SLC71A1: variants seen among roughly 807,000 people sequenced by gnomAD.
The protein encoded by SLC71A1 is hippocampus abundant gene transcript 1.
the SLC71A1 span, among the ~76,000 whole-genome samples, chr1:100,066,728 G>A: frequency 1.3e-5 from 2 of 152,052 alleles, no homozygotes; most frequent in Admixed American, 6.5e-5. Context: ...GGTGGCTCAC[G>A]CCTGTAATCC....
At chr1:100,066,843 G>C in the SLC71A1 span, among the ~76,000 whole-genome samples, 48 of 152,112 alleles carry the variant, frequency 3.2e-4, 1 homozygote, top group African/African-American at 1.0e-3. Flanking sequence ...CAAAAAATTA[G>C]CCGGGCGAGG....
chr1:100,073,109 C>T, the SLC71A1 span, among the ~76,000 whole-genome samples: 4 of 152,172 alleles, frequency 2.6e-5, no homozygotes, highest in African/African-American at 9.7e-5. Flanking sequence ...TGAATCCTTT[C>T]TCCCTAACCT....
the SLC71A1 span, among the ~76,000 whole-genome samples, chr1:100,048,320 C>T: frequency 6.6e-6 from 1 of 152,026 alleles, no homozygotes; most frequent in Admixed American, 6.6e-5. Context: ...GCTGGGATTA[C>T]AGGCACACGC....
At chr1:100,069,636 G>C in the SLC71A1 span, 1 of 1,612,254 alleles carries the variant, frequency 6.2e-7, no homozygotes, top group East Asian at 2.2e-5. Flanking sequence ...TCACCAGAAA[G>C]TGTTGCAGCG....
At chr1:100,071,289 CAAAAAAA>C in the SLC71A1 span, among the ~76,000 whole-genome samples, 6 of 53,340 alleles carry the variant, frequency 1.1e-4, no homozygotes, top group East Asian at 8.9e-4. Context: ...CCATCTCTAC[CAAAAAAA>C]AAAAAAAAAA....
the SLC71A1 span, among the ~76,000 whole-genome samples, chr1:100,051,547 A>G: frequency 3.9e-5 from 6 of 152,014 alleles, no homozygotes; most frequent in Non-Finnish European, 8.8e-5. Flanking sequence ...TCCAAGTACA[A>G]CGATTTGGAA....
the SLC71A1 span, among the ~76,000 whole-genome samples, chr1:100,041,547 A>T: frequency 6.6e-6 from 1 of 152,254 alleles, no homozygotes; most frequent in Non-Finnish European, 1.5e-5. Context: ...ATATTCAGTA[A>T]ATATTTAATC....
At chr1:100,066,845 C>T in the SLC71A1 span, among the ~76,000 whole-genome samples, 38 of 152,024 alleles carry the variant, frequency 2.5e-4, no homozygotes, top group East Asian at 4.5e-3. Context: ...AAAAATTAGC[C>T]GGGCGAGGTG....
chr1:100,070,478 GA>G, the SLC71A1 span, among the ~76,000 whole-genome samples: 1 of 152,172 alleles, frequency 6.6e-6, no homozygotes, highest in East Asian at 1.9e-4. Flanking sequence ...AGTAAGATAG[GA>G]AGTCATTGGT....
the SLC71A1 span, chr1:100,068,573 T>A: frequency 3.8e-6 from 6 of 1,594,336 alleles, no homozygotes; most frequent in Non-Finnish European, 5.2e-6. Flanking sequence ...AGCTTTTTTT[T>A]ATACCTCAGA....
chr1:100,051,896 T>C, the SLC71A1 span, among the ~76,000 whole-genome samples: 1 of 152,204 alleles, frequency 6.6e-6, no homozygotes, highest in South Asian at 2.1e-4. Flanking sequence ...GAATACATTA[T>C]CATTTTTCAT....
the SLC71A1 span, among the ~76,000 whole-genome samples, chr1:100,042,211 AGT>A: frequency 6.6e-6 from 1 of 152,226 alleles, no homozygotes; most frequent in Non-Finnish European, 1.5e-5. Flanking sequence ...CATCTCTGAC[AGT>A]GGAAAATGTA....
chr1:100,068,964 A>G, the SLC71A1 span, among the ~76,000 whole-genome samples: 1 of 152,116 alleles, frequency 6.6e-6, no homozygotes, highest in Admixed American at 6.6e-5. Context: ...CCTGGGTAAC[A>G]AGAGCGAAAC....
At chr1:100,078,536 G>A in the SLC71A1 span, 1 of 1,610,612 alleles carries the variant, frequency 6.2e-7, no homozygotes, top group Non-Finnish European at 8.5e-7. Flanking sequence ...AACTGCTGAT[G>A]CTGATCAACA....
the SLC71A1 span, chr1:100,062,110 C>T: frequency 4.2e-5 from 22 of 524,260 alleles, no homozygotes; most frequent in East Asian, 2.9e-4. Context: ...AATTTTTTTG[C>T]GGTATGAGGC....
At chr1:100,038,606 C>T in the SLC71A1 span, among the ~76,000 whole-genome samples, 13,986 of 152,136 alleles carry the variant, frequency 0.092, 1,154 homozygotes, top group African/African-American at 0.22. Context: ...CGTGCGCCTC[C>T]GCCGCGGGGA....
chr1:100,040,238 A>G, the SLC71A1 span, among the ~76,000 whole-genome samples: 2 of 152,242 alleles, frequency 1.3e-5, no homozygotes, highest in Non-Finnish European at 2.9e-5. Context: ...GTACTAGCAC[A>G]TTCCTAGATG....
chr1:100,071,313 A>AAAAAAAAAAAG, the SLC71A1 span, among the ~76,000 whole-genome samples: 1 of 142,870 alleles, frequency 7.0e-6, no homozygotes, highest in African/African-American at 2.7e-5. Flanking sequence ...AAAAAAAAAA[A>AAAAAAAAAAAG]AAAGAAAGAA....
chr1:100,038,261 C>G, the SLC71A1 span: 1 of 1,560,682 alleles, frequency 6.4e-7, no homozygotes, highest in Non-Finnish European at 8.7e-7. Context: ...AAGAAACGGG[C>G]CGCGAACCGC....
Sources: allele counts gnomAD v4.1 joint callset (sites outside exome capture counted in the v4.1 genomes callset), GRCh38; gene constraint gnomAD v4.1.1; transcripts MANE v1.5; gene names NCBI Gene and HGNC (gene_info 2026-07-23, HGNC 2026-07-21).